L3MBTL4: variants seen among roughly 807,000 people sequenced by gnomAD.
The protein encoded by L3MBTL4 is lethal(3)malignant brain tumor-like protein 4.
L3MBTL4 carries 70 observed loss-of-function variants against 84.5 expected under a neutral mutation model. The observed-to-expected ratio is 0.83, with a 90% CI of 0.68 to 1.01. The LOEUF (loss-of-function observed/expected upper bound fraction) is 1.01. Among genes scored for constraint, L3MBTL4 ranks in the 50% least tolerant of loss-of-function variants. L3MBTL4 has a pLI of 0.00. For synonymous variants in L3MBTL4, 274 were observed against 259.8 expected (o/e 1.05, Z -0.52); for missense variants, 715 against 754.8 (o/e 0.95, Z 0.62).
intron 16 of L3MBTL4, among the ~76,000 whole-genome samples, chr18:6,012,965 C>T (rs2054803235): frequency 6.6e-6 from 1 of 152,196 alleles, no homozygotes; most frequent in African/African-American, 2.4e-5. Flanking sequence ...CATTTTTCTT[C>T]TCCAAGGGGC....
At chr18:6,224,537 C>G (rs2046694986) in intron 10 of L3MBTL4, among the ~76,000 whole-genome samples, 1 of 152,154 alleles carries the variant, frequency 6.6e-6, no homozygotes, top group Non-Finnish European at 1.5e-5. Context: ...AGAGAAGTTA[C>G]AGATGTGGAA....
intron 3 of L3MBTL4, among the ~76,000 whole-genome samples, chr18:6,308,714 T>C (rs1165108788): frequency 2.0e-5 from 3 of 152,176 alleles, no homozygotes; most frequent in Admixed American, 6.5e-5. Context: ...TGTGTATGTA[T>C]GTGTATATGT....
intron 12 of L3MBTL4, among the ~76,000 whole-genome samples, chr18:6,208,116 AAAATAAATAAATAAATAAAT>A (rs71163265): frequency 2.1e-5 from 3 of 144,442 alleles, no homozygotes; most frequent in African/African-American, 7.7e-5. Context: ...CCCTGTCTAA[AAAATAAATAAATAAATAAAT>A]AAATAAATAA....
chr18:6,378,819 T>C (rs984964357), intron 1 of L3MBTL4, among the ~76,000 whole-genome samples: 11 of 152,194 alleles, frequency 7.2e-5, no homozygotes, highest in African/African-American at 2.7e-4. Context: ...TTTGGTTCCC[T>C]ATGAAGTGTA....
chr18:6,151,022 G>T (rs1017886323), intron 13 of L3MBTL4, among the ~76,000 whole-genome samples: 9 of 152,168 alleles, frequency 5.9e-5, no homozygotes, highest in African/African-American at 1.7e-4. Context: ...AAGGTCAGAG[G>T]CCACAGACAC....
At chr18:6,162,794 G>C (rs1478334866) in intron 13 of L3MBTL4, among the ~76,000 whole-genome samples, 2 of 152,208 alleles carry the variant, frequency 1.3e-5, no homozygotes, top group Admixed American at 1.3e-4. Flanking sequence ...CGTAAGAAAA[G>C]TGAAGATACA....
At chr18:5,988,884 A>T (rs1314865787) in intron 16 of L3MBTL4, among the ~76,000 whole-genome samples, 1 of 152,186 alleles carries the variant, frequency 6.6e-6, no homozygotes, top group African/African-American at 2.4e-5. Context: ...CATAGCTTAG[A>T]GTCCTGTAAC....
Position 6,379,813 on chromosome 18 carries a change from G to A in L3MBTL4, c.-91+34988C>T, listed in dbSNP as rs141660759. On this transcript the variant is annotated intron_variant, in intron 1 of 18. Transcript: ENST00000317931. ...TTTGTCTCTGCCAGGTTTTGGTATCGGAATGATGCTGGCCTCATAAAATGA... is the reference window on the plus strand; with the variant it reads ...TTTGTCTCTGCCAGGTTTTGGTATCAGAATGATGCTGGCCTCATAAAATGA... Among the ~76,000 whole-genome samples the A allele has an allele frequency of 8.2e-3, 1,243 of 152,134 alleles. 15 individuals carry two copies. Among genetic ancestry groups the A allele is most frequent in the African/African-American group, 0.028 (1,160 of 41,466 alleles).
intron 15 of L3MBTL4, among the ~76,000 whole-genome samples, chr18:6,089,164 C>T (rs2058355756): frequency 6.6e-6 from 1 of 151,914 alleles, no homozygotes; most frequent in Non-Finnish European, 1.5e-5. Flanking sequence ...AGCTAATAGA[C>T]AATATGGGGA....
intron 1 of L3MBTL4, among the ~76,000 whole-genome samples, chr18:6,321,944 G>C (rs191234825): frequency 5.3e-5 from 8 of 152,140 alleles, no homozygotes; most frequent in African/African-American, 1.9e-4. Context: ...TACATATTTG[G>C]TATAATGTAC....
chr18:6,260,733 T>C (rs946032134), intron 5 of L3MBTL4: 6 of 152,320 alleles, frequency 3.9e-5, no homozygotes, highest in South Asian at 2.1e-4. Context: ...ATTTTCAACA[T>C]TTCGGTGTCA....
intron 1 of L3MBTL4, among the ~76,000 whole-genome samples, chr18:6,324,442 C>T (rs1319937177): frequency 6.6e-6 from 1 of 152,224 alleles, no homozygotes; most frequent in African/African-American, 2.4e-5. Flanking sequence ...AGAGCAGCCA[C>T]AGGGGCTGAA....
Position 5,961,959 on chromosome 18 carries a change from G to T in L3MBTL4, c.1615-1803C>A, listed in dbSNP as rs78263581. ...GGGCCCAGGACACTGAGGGTGGCCT[G>T]GCTCCGTCATTCCTCAGACAACTGT... is the stretch of plus-strand genomic sequence containing the variant. On this transcript the variant is annotated intron_variant, in intron 17 of 18. Coordinates refer to ENST00000317931, the MANE Select transcript of L3MBTL4 (RefSeq NM_001330559.2). Among the ~76,000 whole-genome samples the T allele has an allele frequency of 7.9e-5, 12 of 152,278 alleles. No individual in the cohort carries two copies. The East Asian group carries it at 2.3e-3, about 29-fold the overall frequency.
intron 14 of L3MBTL4, among the ~76,000 whole-genome samples, chr18:6,125,555 A>T (rs963976816): frequency 6.6e-5 from 10 of 152,156 alleles, no homozygotes; most frequent in African/African-American, 2.4e-4. Context: ...CAGCCTGCTG[A>T]GTAGCTAGGA....
chr18:6,150,950 T>A (rs1428696046), intron 13 of L3MBTL4, among the ~76,000 whole-genome samples: 1 of 152,172 alleles, frequency 6.6e-6, no homozygotes, highest in Non-Finnish European at 1.5e-5. Flanking sequence ...AGTGAGTGTC[T>A]CAGTGCCAGG....
intron 14 of L3MBTL4, among the ~76,000 whole-genome samples, chr18:6,121,977 G>A (rs923287215): frequency 3.9e-5 from 6 of 152,066 alleles, no homozygotes; most frequent in Non-Finnish European, 7.4e-5. Context: ...TATACATCCG[G>A]GAATAGGAGA....
At chr18:5,988,629 A>C (rs1330324139) in intron 16 of L3MBTL4, among the ~76,000 whole-genome samples, 1 of 152,146 alleles carries the variant, frequency 6.6e-6, no homozygotes, top group Non-Finnish European at 1.5e-5. Context: ...TGTCCAGAGT[A>C]ATGAGTCAAT....
intron 1 of L3MBTL4, among the ~76,000 whole-genome samples, chr18:6,343,267 C>G (rs901728259): frequency 9.2e-5 from 14 of 152,268 alleles, no homozygotes; most frequent in African/African-American, 3.4e-4. Context: ...AGAGAACATT[C>G]CATCCAATAG....
rs147840842 is a variant in L3MBTL4, at chr18:6,219,198, G to A, written c.785-3363C>T. 3.6e-3 allele frequency among the ~76,000 whole-genome samples: 551 copies of A among 151,960 alleles called. 4 individuals are homozygous for A. The highest frequency in any genetic ancestry group is 0.013 in the African/African-American group (526 of 41,480). ...AGAAATGGTATCTGAACAATGACGC[G>A]TGGCTCCATCAACCTCATACTTATC... On this transcript the variant is annotated intron_variant, in intron 10 of 18. Coordinates refer to ENST00000317931, the MANE Select transcript of L3MBTL4 (RefSeq NM_001330559.2).
Sources: allele counts gnomAD v4.1 joint callset (sites outside exome capture counted in the v4.1 genomes callset), GRCh38; gene constraint gnomAD v4.1.1; transcripts MANE v1.5; gene names NCBI Gene and HGNC (gene_info 2026-07-23, HGNC 2026-07-21).